Variants in GRIN2C observed in about 807,000 individuals in gnomAD.
GRIN2C encodes glutamate ionotropic receptor NMDA type subunit 2C.
Under a neutral mutation model 77.7 loss-of-function variants are expected in GRIN2C, and 64 were observed. That is an observed-to-expected ratio of 0.82 (90% CI 0.67 to 1.01). GRIN2C has a LOEUF of 1.01. Among genes scored for constraint, GRIN2C ranks in the 50% least tolerant of loss-of-function variants. The probability of loss-of-function intolerance (pLI) is 0.00; values close to 1 mark genes in which losing one functional copy is unlikely to be tolerated. For synonymous variants in GRIN2C, 792 were observed against 643.4 expected (o/e 1.23, Z -3.49); for missense variants, 1,549 against 1,486.0 (o/e 1.04, Z -0.70).
chr17:74,853,021 A>C (rs1002985983), intron 2 of GRIN2C: 2 of 169,370 alleles, frequency 1.2e-5, no homozygotes, highest in Admixed American at 6.3e-5. Context: ...TGAATTCCAG[A>C]GGTGCAAAGC....
In GRIN2C at chr17:74,843,514, T is replaced by C. The variant is rs2037366327; in HGVS notation, c.2623A>G (p.Ser875Gly). ...SCFSGVQSLASPPRQASPDLT... is the reference protein window; with the variant it reads ...SCFSGVQSLAGPPRQASPDLT... ...TCCGGGCTGGCCTGCCGCGGTGGGC[T>C]GGCGAGGCTCTGCACCCCGCTGAAG... Residue 875 changes from serine (S) to glycine (G), a missense_variant, in exon 13 of 13, where the codon AGC (serine) becomes GGC (glycine). Ser to Gly is a moderately conservative substitution (Grantham distance 56). Around this residue, in one of 3 missense-constraint regions of GRIN2C, gnomAD observed 450 missense variants for 267.9 expected, o/e 1.68. Transcript: ENST00000293190. 6.5e-7 allele frequency: 1 copy of C among 1,533,292 alleles called. No individual in the cohort carries two copies. The highest frequency in any genetic ancestry group is 1.4e-5 in the African/African-American group (1 of 73,024). 95.0% of individuals were successfully genotyped at this position (1,533,292 alleles called of 1,614,324 possible).
upstream of GRIN2C, chr17:74,860,927 A>T (rs1314853779): frequency 1.5e-5 from 3 of 203,276 alleles, no homozygotes; most frequent in East Asian, 5.0e-4. Context: ...TGGGCTGGGG[A>T]GCCGCACAGC....
At chr17:74,858,268 C>A (rs576052083) in intron 1 of GRIN2C, among the ~76,000 whole-genome samples, 2 of 151,358 alleles carry the variant, frequency 1.3e-5, no homozygotes, top group South Asian at 4.2e-4. Context: ...CATTCCCACT[C>A]TCTCCAATAG....
In GRIN2C at chr17:74,843,473, C is replaced by G; in HGVS notation, c.2664G>C (p.Ser888=). The change falls in exon 13 of 13, where the codon TCG becomes TCC. Residue 888 remains serine, a synonymous_variant. Coordinates refer to ENST00000293190, the MANE Select transcript of GRIN2C (RefSeq NM_000835.6). ...RQASPDLTAS[S]AQASVLKMLQ... Reference sequence around the variant, plus strand: ...GCATCTTGAGCACGCTGGCCTGGGCCGAGCTGGCCGTGAGGTCCGGGCTGG... The same window carrying G: ...GCATCTTGAGCACGCTGGCCTGGGCGGAGCTGGCCGTGAGGTCCGGGCTGG... The G allele has an allele frequency of 2.0e-6, 3 of 1,534,346 alleles. No homozygotes were observed. The highest frequency in any genetic ancestry group is 2.6e-6 in the Non-Finnish European group (3 of 1,146,382).
intron 11 of GRIN2C, 60 bp from the exon 12 acceptor site, chr17:74,844,568 C>G: frequency 1.3e-6 from 2 of 1,574,998 alleles, no homozygotes; most frequent in African/African-American, 1.3e-5. Context: ...AACCCCCTCA[C>G]AAAGCTCACC....
chr17:74,856,810 A>G (rs1011096882), intron 1 of GRIN2C, among the ~76,000 whole-genome samples: 8 of 152,012 alleles, frequency 5.3e-5, no homozygotes, highest in Admixed American at 2.0e-4. Flanking sequence ...CCAAAGCCTA[A>G]TGTCTTACAG....
rs755550301 is a variant in GRIN2C, at chr17:74,844,430, A to G, written c.2429T>C (p.Leu810Pro). ...GACGCCTGCCATGTTGTCGATGTCC[A>G]GCTTGCTGCTCATCACCTCGTTCTT... ...NEKNEVMSSK[L>P]DIDNMAGVFY... The change falls in exon 12 of 13, where the codon CTG (leucine) becomes CCG (proline). Residue 810 changes from leucine (L) to proline (P), a missense_variant. Physicochemically the swap from Leu to Pro is moderately conservative, Grantham distance 98 (BLOSUM62 -3). Around this residue, in one of 3 missense-constraint regions of GRIN2C, gnomAD observed 717 missense variants for 858.1 expected, o/e 0.84. Transcript: ENST00000293190. The G allele has an allele frequency of 6.2e-7, 1 of 1,614,228 alleles. No individual in the cohort carries two copies. Among genetic ancestry groups the G allele is most frequent in the Non-Finnish European group, 8.5e-7 (1 of 1,180,042 alleles).
Position 74,850,790 on chromosome 17 carries a change from C to T in GRIN2C, c.1114-23G>A, listed in dbSNP as rs760199148. ...CACCTGTGGAGGGTGACAGCCTCAGCCTGGGGCCTCCAGCCCTACAGCCCC... is the reference window on the plus strand; with the variant it reads ...CACCTGTGGAGGGTGACAGCCTCAGTCTGGGGCCTCCAGCCCTACAGCCCC... On this transcript the variant is annotated intron_variant, in intron 4 of 12. Transcript: ENST00000293190. The surrounding 1 kb of genome is among the most constrained non-coding windows in gnomAD (Gnocchi z 5.3). 1.9e-6 allele frequency: 3 copies of T among 1,585,888 alleles called. No homozygotes were observed. Among genetic ancestry groups the T allele is most frequent in the Non-Finnish European group, 2.6e-6 (3 of 1,161,542 alleles).
Position 74,849,698 on chromosome 17 carries a change from C to A in GRIN2C, c.1645+82G>T. On this transcript the variant is annotated intron_variant, in intron 7 of 12. Coordinates refer to ENST00000293190, the MANE Select transcript of GRIN2C (RefSeq NM_000835.6). This position sits in a 1 kb window ranked among gnomAD's most constrained non-coding sequence, Gnocchi z 4.6. Reference sequence around the variant, plus strand: ...TTGGCCTGTGAGAGCCCACCCAACTCCCCATCCCCACCCAAGCTGTACACA... The same window carrying A: ...TTGGCCTGTGAGAGCCCACCCAACTACCCATCCCCACCCAAGCTGTACACA... The A allele has an allele frequency of 7.4e-7, 1 of 1,345,580 alleles. No individual in the cohort carries two copies. The highest frequency in any genetic ancestry group is 1.0e-6 in the Non-Finnish European group (1 of 977,032). The allele number at this position is 1,345,580 out of a possible 1,614,324, so 83.4% of individuals were successfully genotyped here.
Position 74,847,270 on chromosome 17 carries a change from G to T in GRIN2C, c.2001+38C>A, listed in dbSNP as rs757828874. On this transcript the variant is annotated intron_variant, in intron 9 of 12. Transcript: ENST00000293190. This position sits in a 1 kb window ranked among gnomAD's most constrained non-coding sequence, Gnocchi z 5.2. ...CACTCACGGCCTGTCCCCACCCTCA[G>T]TGCCCCCCCCCACCCCCAGCAGCTA... 3.2e-6 allele frequency: 2 copies of T among 625,008 alleles called. No individual in the cohort carries two copies. The highest frequency in any genetic ancestry group is 5.8e-6 in the Non-Finnish European group (2 of 342,008). The allele number at this position is 625,008 out of a possible 1,614,324, so 38.7% of individuals were successfully genotyped here. A position where few individuals can be genotyped will look rare whatever the true frequency, so the allele number is the denominator to read the frequency against.
upstream of GRIN2C, chr17:74,860,435 C>A (rs1185209367): frequency 4.4e-6 from 2 of 456,730 alleles, no homozygotes; most frequent in Non-Finnish European, 8.8e-6. Flanking sequence ...GGCGGGAATT[C>A]CCGTCTTGCT....
chr17:74,850,072 C>T lies in GRIN2C; in HGVS notation c.1491+134G>A, dbSNP rs569809127. 258 of 1,335,614 alleles carry T rather than the reference C, an allele frequency of 1.9e-4. 2 individuals carry two copies. The South Asian group carries it at 3.2e-3, about 17-fold the overall frequency. The allele number at this position is 1,335,614 out of a possible 1,614,324, so 82.7% of individuals were successfully genotyped here. A position where few individuals can be genotyped will look rare whatever the true frequency, so the allele number is the denominator to read the frequency against. On this transcript the variant is annotated intron_variant, in intron 6 of 12. Transcript: ENST00000293190. This position sits in a 1 kb window ranked among gnomAD's most constrained non-coding sequence, Gnocchi z 5.3. ...TCTGGGGCCCTCAGAGCTCAGCTTT[C>T]AGTACTGACCACCCCAGGAGTCATC... is the stretch of plus-strand genomic sequence containing the variant.
At chr17:74,851,849 G>A (rs1598486972) in intron 3 of GRIN2C, 158 bp from the exon 4 acceptor site, 3 of 694,378 alleles carry the variant, frequency 4.3e-6, no homozygotes, top group South Asian at 1.8e-5. Context: ...CCTGACACCT[G>A]CTGTTTGTTC....
At position 74,843,011 on chromosome 17, in the gene GRIN2C, G is replaced by A. The variant is rs2037343463; in HGVS notation, c.3126C>T (p.Phe1042=). 3.9e-6 allele frequency: 2 copies of A among 506,808 alleles called. No homozygotes were observed. The highest frequency in any genetic ancestry group is 7.1e-5 in the East Asian group (2 of 28,284). 31.4% of individuals were successfully genotyped at this position (506,808 alleles called of 1,614,324 possible). A position where few individuals can be genotyped will look rare whatever the true frequency, so the allele number is the denominator to read the frequency against. ...CCTCCAGCTCCGGGAAGAGCGGGAG[G>A]AAGGGGCGGCCGGATCGGTCGGCTC... ...FPRADRSGRP[F]LPLFPELEDL... is the part of the protein sequence containing the mutation. The change falls in exon 13 of 13, where the codon TTC becomes TTT. Residue 1042 remains phenylalanine (F), a synonymous_variant. Transcript: ENST00000293190.
At position 74,859,028 on chromosome 17, in the gene GRIN2C, G is replaced by A. The variant is rs2037889716; in HGVS notation, c.-16+716C>T. Among the ~76,000 whole-genome samples the A allele has an allele frequency of 6.6e-6, 1 of 151,932 alleles. No individual in the cohort carries two copies. The highest frequency in any genetic ancestry group is 1.5e-5 in the Non-Finnish European group (1 of 67,968). The stretch of plus-strand genomic sequence containing the variant: ...TCCCCCTGCCCTGGCTTCCCCTCCT[G>A]GGTGGGGAGCTCTGTGTAGTGGTCC... On this transcript the variant is annotated intron_variant, in intron 1 of 12. Transcript: ENST00000293190. The surrounding 1 kb of genome is among the most constrained non-coding windows in gnomAD (Gnocchi z 5.9).
Position 74,843,052 on chromosome 17 carries a change from A to G in GRIN2C, c.3085T>C (p.Tyr1029His). 1 of 468,656 alleles carries G rather than the reference A, an allele frequency of 2.1e-6. No homozygotes were observed. 29.0% of individuals were successfully genotyped at this position (468,656 alleles called of 1,614,324 possible). A position where few individuals can be genotyped will look rare whatever the true frequency, so the allele number is the denominator to read the frequency against. Residue 1029 changes from tyrosine to histidine, a missense_variant, in exon 13 of 13, where the codon TAC becomes CAC. Transcript: ENST00000293190. The part of the protein sequence containing the change: ...ERPLSPARCH[Y>H]SSFPRADRSG... The stretch of plus-strand genomic sequence containing the variant: ...CGGTCGGCTCGAGGAAAGGAGCTGT[A>G]GTGACAGCGCGCGGGCGACAGGGGC...
Position 74,847,290 on chromosome 17 carries a change from CAG to C in GRIN2C, c.2001+16_2001+17del. 4 of 1,321,590 alleles carry C rather than the reference CAG, an allele frequency of 3.0e-6. No homozygotes were observed. In the South Asian group the frequency reaches 3.6e-5, roughly 12 times the overall value. The allele number at this position is 1,321,590 out of a possible 1,614,324, so 81.9% of individuals were successfully genotyped here. ...CCTCAGTGCCCCCCCCCACCCCCAG[CAG>C]CTATGGCCCCACAACCTTCTTGTCA... On this transcript the variant is annotated intron_variant, in intron 9 of 12. Transcript: ENST00000293190. The surrounding 1 kb of genome is among the most constrained non-coding windows in gnomAD (Gnocchi z 5.2).
At chr17:74,860,496 G>T, upstream of GRIN2C, 1 of 456,652 alleles carries the variant, frequency 2.2e-6, no homozygotes, top group South Asian at 1.5e-5. Context: ...GGTTCAGGTT[G>T]CCGGGTGCCT....
Position 74,843,376 on chromosome 17 carries a change from C to G in GRIN2C, c.2761G>C (p.Glu921Gln), listed in dbSNP as rs1325304131. ...SSLDRATRTI[E>Q]NWGGGRRAPP... is the part of the protein sequence containing the mutation. Reference sequence around the variant, plus strand: ...GCACGGCGGCCGCCACCCCAATTCTCGATGGTGCGAGTGGCGCGGTCCAGG... The same window carrying G: ...GCACGGCGGCCGCCACCCCAATTCTGGATGGTGCGAGTGGCGCGGTCCAGG... Residue 921 changes from glutamate (E) to glutamine (Q), a missense_variant, in exon 13 of 13, where the codon GAG (glutamate) becomes CAG (glutamine). Glu to Gln is a conservative substitution (Grantham distance 29). Transcript: ENST00000293190. The G allele has an allele frequency of 7.8e-6, 12 of 1,531,068 alleles. No individual in the cohort carries two copies. In the Admixed American group the frequency reaches 2.2e-4, roughly 28 times the overall value. 94.8% of individuals were successfully genotyped at this position (1,531,068 alleles called of 1,614,324 possible).
Sources: allele counts gnomAD v4.1 joint callset (sites outside exome capture counted in the v4.1 genomes callset), GRCh38; gene constraint gnomAD v4.1.1; regional missense constraint gnomAD v4.1.1; non-coding constraint Gnocchi (gnomAD v3.1); transcripts MANE v1.5; gene names NCBI Gene and HGNC (gene_info 2026-07-23, HGNC 2026-07-21).